Variants in IPO11 observed in about 807,000 individuals in gnomAD.
IPO11 encodes importin 11.
A neutral mutation model predicts 143.2 loss-of-function variants in IPO11; 66 were observed. The ratio of observed to expected loss-of-function variants is 0.46; its 90% CI spans 0.38 to 0.57. The LOEUF is 0.57. Among genes scored for constraint, IPO11 ranks in the 20% least tolerant of loss-of-function variants. The pLI is 0.00. For missense variants in IPO11, 1,026 were observed against 1,141.0 expected (o/e 0.90, Z 1.45); for synonymous variants, 385 against 377.8 (o/e 1.02, Z -0.22).
intron 29 of IPO11, among the ~76,000 whole-genome samples, chr5:62,620,947 AT>A (rs1746340430): frequency 6.6e-6 from 1 of 152,242 alleles, no homozygotes; most frequent in South Asian, 2.1e-4. Flanking sequence ...ATCGAGACTT[AT>A]TGAAATGCAT....
At chr5:62,444,087 A>G (rs1172243164) in intron 3 of IPO11, among the ~76,000 whole-genome samples, 1 of 150,512 alleles carries the variant, frequency 6.6e-6, no homozygotes, top group Non-Finnish European at 1.5e-5. Context: ...TAAAGCAGAC[A>G]TGTCTTTTTC....
At chr5:62,621,796 G>A (rs1275034544) in intron 29 of IPO11, among the ~76,000 whole-genome samples, 1 of 152,052 alleles carries the variant, frequency 6.6e-6, no homozygotes, top group Non-Finnish European at 1.5e-5. Context: ...TGTGATTTGA[G>A]GAATCCTTTG....
At chr5:62,485,984 CTTT>C (rs746289007) in intron 12 of IPO11, among the ~76,000 whole-genome samples, 4 of 130,238 alleles carry the variant, frequency 3.1e-5, no homozygotes, top group African/African-American at 2.8e-5. Flanking sequence ...TTTTCTTTTT[CTTT>C]TTTTTTTTTT....
chr5:62,539,441 C>T (rs1355283358), intron 24 of IPO11, among the ~76,000 whole-genome samples: 1 of 152,120 alleles, frequency 6.6e-6, no homozygotes, highest in Non-Finnish European at 1.5e-5. Context: ...ATATCTTCAT[C>T]TTACCTTGAT....
chr5:62,476,549 T>C (rs1386927268), intron 8 of IPO11, 134 bp from the exon 9 acceptor site: 16 of 953,780 alleles, frequency 1.7e-5, no homozygotes, highest in Admixed American at 7.8e-5. Context: ...AATCTTGGTA[T>C]TGCTTTTTAA....
At chr5:62,448,052 C>CT (rs913730506) in intron 3 of IPO11, among the ~76,000 whole-genome samples, 5 of 152,048 alleles carry the variant, frequency 3.3e-5, no homozygotes, top group African/African-American at 1.2e-4. Context: ...TATTTGTCCC[C>CT]TTTTTTTTCT....
intron 3 of IPO11, among the ~76,000 whole-genome samples, chr5:62,447,088 T>C (rs1223547032): frequency 6.6e-6 from 1 of 151,906 alleles, no homozygotes; most frequent in Non-Finnish European, 1.5e-5. Context: ...ATTATTTCTT[T>C]TGGTTCATAA....
intron 29 of IPO11, among the ~76,000 whole-genome samples, chr5:62,624,781 G>A (rs766639417): frequency 7.2e-5 from 11 of 151,996 alleles, no homozygotes; most frequent in African/African-American, 2.4e-4. Flanking sequence ...TCAGGAGATC[G>A]AGATCATCCT....
chr5:62,413,874 C>T (rs1488681795), intron 1 of IPO11, among the ~76,000 whole-genome samples: 1 of 152,238 alleles, frequency 6.6e-6, no homozygotes, highest in East Asian at 1.9e-4. Context: ...CTATAGGAGA[C>T]ATCCATTGCA....
intron 12 of IPO11, among the ~76,000 whole-genome samples, chr5:62,486,167 A>G (rs1252240373): frequency 6.6e-6 from 1 of 151,608 alleles, no homozygotes; most frequent in Non-Finnish European, 1.5e-5. Flanking sequence ...TATTTAGTAG[A>G]GACGGGGTTT....
At chr5:62,579,625 G>A in intron 27 of IPO11, 2 of 1,550,508 alleles carry the variant, frequency 1.3e-6, no homozygotes, top group Non-Finnish European at 1.7e-6. Flanking sequence ...TGAAAGTACA[G>A]TTTTTCTGTA....
At chr5:62,553,318 G>A (rs576596877) in intron 26 of IPO11, among the ~76,000 whole-genome samples, 5 of 123,712 alleles carry the variant, frequency 4.0e-5, no homozygotes, top group Non-Finnish European at 6.7e-5. Flanking sequence ...AATAGTATTC[G>A]TGTGAGTGTG....
intron 27 of IPO11, among the ~76,000 whole-genome samples, chr5:62,586,767 AAATATATAT>A (rs1237840892): frequency 2.1e-4 from 12 of 55,994 alleles, no homozygotes; most frequent in African/African-American, 5.6e-4. Context: ...AAAAAAAAAA[AAATATATAT>A]ATATATATAT....
chr5:62,580,318 GAC>G (rs1744502056), intron 27 of IPO11: 1 of 1,536,184 alleles, frequency 6.5e-7, no homozygotes, highest in African/African-American at 1.4e-5. Flanking sequence ...TTTAAATTCT[GAC>G]ACATTCAGTT....
intron 1 of IPO11, among the ~76,000 whole-genome samples, chr5:62,426,977 G>C (rs1743773668): frequency 1.8e-5 from 2 of 108,656 alleles, no homozygotes; most frequent in South Asian, 3.0e-4. Flanking sequence ...TGCTCTTGAT[G>C]CCCAGGCTGG....
chr5:62,495,781 T>C (rs1400924181), intron 16 of IPO11, among the ~76,000 whole-genome samples: 2 of 152,106 alleles, frequency 1.3e-5, no homozygotes, highest in African/African-American at 4.8e-5. Context: ...CCGAAATTGC[T>C]TGGGTCTTAG....
chr5:62,538,783 G>A (rs1432000752), intron 24 of IPO11, among the ~76,000 whole-genome samples: 1 of 152,166 alleles, frequency 6.6e-6, no homozygotes, highest in Non-Finnish European at 1.5e-5. Flanking sequence ...CAGTGAAATC[G>A]CCTAATGACA....
chr5:62,557,475 G>T (rs1257911339), intron 26 of IPO11, among the ~76,000 whole-genome samples: 5 of 152,142 alleles, frequency 3.3e-5, no homozygotes, highest in Non-Finnish European at 7.4e-5. Flanking sequence ...GGGCCACCAT[G>T]CCTGGCATGA....
intron 1 of IPO11, among the ~76,000 whole-genome samples, chr5:62,434,779 C>G (rs1426730611): frequency 6.6e-6 from 1 of 151,980 alleles, no homozygotes; most frequent in African/African-American, 2.4e-5. Flanking sequence ...AATGCCAGAA[C>G]TTCAGGAGGC....
Sources: allele counts gnomAD v4.1 joint callset (sites outside exome capture counted in the v4.1 genomes callset), GRCh38; gene constraint gnomAD v4.1.1; transcripts MANE v1.5; gene names NCBI Gene and HGNC (gene_info 2026-07-23, HGNC 2026-07-21).